Variants in PPARGC1B observed in about 807,000 individuals in gnomAD.
PPARGC1B encodes the protein PPARG coactivator 1 beta, also known as peroxisome proliferator-activated receptor gamma coactivator 1-beta.
Under a neutral mutation model 101.6 loss-of-function variants are expected in PPARGC1B, and 34 were observed. The ratio of observed to expected loss-of-function variants is 0.33; its 90% CI spans 0.25 to 0.45. PPARGC1B has a LOEUF of 0.45. PPARGC1B is among the 20% of genes least tolerant of loss of function. PPARGC1B has a pLI of 1.00. For synonymous variants in PPARGC1B, 548 were observed against 539.3 expected (o/e 1.02, Z -0.22); for missense variants, 1,234 against 1,317.6 (o/e 0.94, Z 0.98).
intron 9 of PPARGC1B, among the ~76,000 whole-genome samples, chr5:149,840,733 G>A (rs1329342309): frequency 6.6e-6 from 1 of 152,198 alleles, no homozygotes; most frequent in African/African-American, 2.4e-5. Context: ...CACATCAGGG[G>A]CCTGGAGTGG....
At chr5:149,746,904 A>G (rs1396207237) in intron 1 of PPARGC1B, among the ~76,000 whole-genome samples, 1 of 152,174 alleles carries the variant, frequency 6.6e-6, no homozygotes, top group Non-Finnish European at 1.5e-5. Context: ...TTCTTTAGAT[A>G]AATGTCTTTT....
rs765996364 is a variant in PPARGC1B, at chr5:149,730,320, C to T, written c.-23C>T. ...GGCCGGCTCGGCGTTGACTCCGCCG[C>T]ACGCTGCAGCCGCGGCTGGAAGATG... On this transcript the variant is annotated 5_prime_UTR_variant, in exon 1 of 12. Coordinates refer to ENST00000309241, the MANE Select transcript of PPARGC1B (RefSeq NM_133263.4). The surrounding 1 kb of genome is among the most constrained non-coding windows in gnomAD (Gnocchi z 4.0). 1 of 1,534,824 alleles carries T rather than the reference C, an allele frequency of 6.5e-7. No homozygotes were observed. Among genetic ancestry groups the T allele is most frequent in the Non-Finnish European group, 8.8e-7 (1 of 1,142,350 alleles).
intron 1 of PPARGC1B, among the ~76,000 whole-genome samples, chr5:149,752,424 G>A (rs1181906934): frequency 6.6e-6 from 1 of 152,194 alleles, no homozygotes; most frequent in Admixed American, 6.5e-5. Flanking sequence ...CAGCTGCCTG[G>A]CAAGCTCATT....
rs375463313 is a variant in PPARGC1B, at chr5:149,780,215, G to A, written c.79-40218G>A. On this transcript the variant is annotated intron_variant, in intron 1 of 11. Transcript: ENST00000309241. ...ACACACCCAGAGCACAGGCTCCAGC[G>A]CAGGATGAGCAGCCAGAGCCCCGTG... Among the ~76,000 whole-genome samples the A allele has an allele frequency of 3.9e-5, 6 of 152,330 alleles. 1 individual carries two copies. The highest frequency in any genetic ancestry group is 1.3e-4 in the Admixed American group (2 of 15,306).
chr5:149,786,813 T>C (rs1216378555), intron 1 of PPARGC1B, among the ~76,000 whole-genome samples: 4 of 152,122 alleles, frequency 2.6e-5, no homozygotes, highest in Non-Finnish European at 5.9e-5. Flanking sequence ...ATAATAGTCT[T>C]CTCCTTCCAA....
intron 1 of PPARGC1B, among the ~76,000 whole-genome samples, chr5:149,777,522 T>C (rs1053869785): frequency 6.6e-6 from 1 of 151,720 alleles, no homozygotes; most frequent in Non-Finnish European, 1.5e-5. Context: ...AGCTCAGGAG[T>C]GTGTTGGGAA....
intron 5 of PPARGC1B, 77 bp from the exon 6 acceptor site, chr5:149,834,597 A>T: frequency 7.3e-7 from 1 of 1,361,106 alleles, no homozygotes; most frequent in Non-Finnish European, 1.0e-6. Flanking sequence ...GTGGAGGCCT[A>T]GGGTCTCCTC....
chr5:149,825,631 G>A (rs552236847), intron 2 of PPARGC1B, among the ~76,000 whole-genome samples: 5 of 152,204 alleles, frequency 3.3e-5, no homozygotes, highest in African/African-American at 9.6e-5. Flanking sequence ...CCTTTCTCAC[G>A]CTCTGAAATG....
intron 1 of PPARGC1B, among the ~76,000 whole-genome samples, chr5:149,774,792 C>G (rs1369633728): frequency 6.6e-6 from 1 of 152,102 alleles, no homozygotes; most frequent in African/African-American, 2.4e-5. Context: ...GCTGGATCCT[C>G]AGGCCTTCTC....
intron 1 of PPARGC1B, among the ~76,000 whole-genome samples, chr5:149,806,892 C>A (rs1200965113): frequency 6.6e-6 from 1 of 151,830 alleles, no homozygotes; most frequent in East Asian, 1.9e-4. Context: ...TAGGCTTGAG[C>A]CACTGTGCCT....
Position 149,847,565 on chromosome 5 carries a change from C to T in PPARGC1B, c.*7C>T. 6.2e-7 allele frequency: 1 copy of T among 1,604,290 alleles called. No homozygotes were observed. The highest frequency in any genetic ancestry group is 8.5e-7 in the Non-Finnish European group (1 of 1,171,204). The stretch of plus-strand genomic sequence containing the variant: ...CCAGCAGAGCCTGCATTGATAACAG[C>T]CTTAACCCTCGAGGAATACCTCAAT... On this transcript the variant is annotated 3_prime_UTR_variant, in exon 12 of 12. Transcript: ENST00000309241.
chr5:149,822,506 C>T (rs1192266435), intron 2 of PPARGC1B, among the ~76,000 whole-genome samples: 1 of 152,238 alleles, frequency 6.6e-6, no homozygotes, highest in African/African-American at 2.4e-5. Context: ...GCCCCTGCTC[C>T]CTGCCCATCG....
At chr5:149,822,608 C>A (rs147919471) in intron 2 of PPARGC1B, among the ~76,000 whole-genome samples, 82 of 152,392 alleles carry the variant, frequency 5.4e-4, no homozygotes, top group African/African-American at 1.8e-3. Flanking sequence ...GCTTAACAGT[C>A]ATCCACTGAA....
Position 149,833,697 on chromosome 5 carries a change from A to G in PPARGC1B, c.1624A>G (p.Ile542Val). The change falls in exon 5 of 12, where the codon ATC becomes GTC. Residue 542 changes from isoleucine to valine, a missense_variant. Physicochemically the swap from Ile to Val is conservative, Grantham distance 29. Transcript: ENST00000309241. The surrounding 1 kb of genome is among the most constrained non-coding windows in gnomAD (Gnocchi z 4.1). ...QDQQLLRGPQ[I>V]PALESPCESG... ...CCAGCAGCTCCTACGGGGACCCCAG[A>G]TCCCTGCCCTGGAGAGCCCCTGTGA... is the stretch of plus-strand genomic sequence containing the variant. 3 of 1,608,070 alleles carry G rather than the reference A, an allele frequency of 1.9e-6. No homozygotes were observed. In the South Asian group the frequency reaches 3.3e-5, roughly 18 times the overall value.
At chr5:149,735,893 A>C (rs1433179197) in intron 1 of PPARGC1B, among the ~76,000 whole-genome samples, 1 of 152,240 alleles carries the variant, frequency 6.6e-6, no homozygotes, top group Non-Finnish European at 1.5e-5. Context: ...TGGGAGGCCA[A>C]GGCGGGCAGA....
rs761199849 is a variant in PPARGC1B, at chr5:149,850,288, C to G, written c.*2730C>G. ...TGGAGAGTTTTAGCAAAGGACCAGTCTGTCCCTCCCTGCTTTGGGGTCAGC... is the reference window on the plus strand; with the variant it reads ...TGGAGAGTTTTAGCAAAGGACCAGTGTGTCCCTCCCTGCTTTGGGGTCAGC... On this transcript the variant is annotated 3_prime_UTR_variant, in exon 12 of 12. Coordinates refer to ENST00000309241, the MANE Select transcript of PPARGC1B (RefSeq NM_133263.4). The G allele has an allele frequency of 6.6e-6, 1 of 152,252 alleles. No homozygotes were observed. The highest frequency in any genetic ancestry group is 1.5e-5 in the Non-Finnish European group (1 of 68,052). 9.4% of individuals were successfully genotyped at this position (152,252 alleles called of 1,614,324 possible). A position where few individuals can be genotyped will look rare whatever the true frequency, so the allele number is the denominator to read the frequency against.
At chr5:149,842,466 T>C in intron 10 of PPARGC1B, 89 bp downstream of exon 10, 15 of 1,552,450 alleles carry the variant, frequency 9.7e-6, no homozygotes, top group Non-Finnish European at 1.2e-5. Flanking sequence ...TGCCCAAGAT[T>C]TGTGAAATGA....
intron 2 of PPARGC1B, among the ~76,000 whole-genome samples, chr5:149,825,663 C>T (rs984186760): frequency 1.3e-5 from 2 of 152,188 alleles, no homozygotes; most frequent in South Asian, 2.1e-4. Context: ...TTGTTAGTTT[C>T]GTCCCATCCT....
chr5:149,845,936 A>G (rs752057106), intron 11 of PPARGC1B, 22 bp downstream of exon 11: 45 of 1,614,088 alleles, frequency 2.8e-5, no homozygotes, highest in Non-Finnish European at 3.7e-5. Flanking sequence ...AAACCCAGCC[A>G]CAGTCTAGTA....
Sources: allele counts gnomAD v4.1 joint callset (sites outside exome capture counted in the v4.1 genomes callset), GRCh38; gene constraint gnomAD v4.1.1; non-coding constraint Gnocchi (gnomAD v3.1); transcripts MANE v1.5; gene names NCBI Gene and HGNC (gene_info 2026-07-23, HGNC 2026-07-21).